Variants in SASS6 observed in about 807,000 individuals in gnomAD.
SASS6 encodes the protein spindle assembly abnormal protein 6 homolog.
Under a neutral mutation model 94.9 loss-of-function variants are expected in SASS6, and 59 were observed. The observed-to-expected ratio is 0.62, with a 90% CI of 0.50 to 0.77. SASS6 has a LOEUF of 0.77. Among genes scored for constraint, SASS6 ranks in the 30% least tolerant of loss-of-function variants. The probability of loss-of-function intolerance (pLI) is 0.00; values close to 1 mark genes in which losing one functional copy is unlikely to be tolerated. For synonymous variants in SASS6, 264 were observed against 270.0 expected, an observed-to-expected ratio of 0.98 and a Z score of 0.22; for missense variants, 698 against 734.1, an observed-to-expected ratio of 0.95 and a Z score of 0.57.
intron 1 of SASS6, among the ~76,000 whole-genome samples, chr1:100,127,794 C>T (rs1644058056): frequency 7.3e-6 from 1 of 136,856 alleles, no homozygotes; most frequent in South Asian, 2.3e-4. Flanking sequence ...CAAGTCCAGT[C>T]TGGGCAACAC....
At chr1:100,119,174 T>TA in intron 6 of SASS6, 37 bp from the exon 7 acceptor site, 1 of 1,178,264 alleles carries the variant, frequency 8.5e-7, no homozygotes, top group Non-Finnish European at 1.2e-6. Flanking sequence ...TAAGATAGGC[T>TA]CCTTAATATG....
intron 14 of SASS6, among the ~76,000 whole-genome samples, chr1:100,101,260 G>A (rs1055129829): frequency 4.0e-5 from 6 of 151,592 alleles, no homozygotes; most frequent in African/African-American, 1.2e-4. Context: ...TATTTCAGTA[G>A]TATATGCATA....
intron 14 of SASS6, among the ~76,000 whole-genome samples, chr1:100,090,220 C>T (rs1242060562): frequency 6.6e-6 from 1 of 152,044 alleles, no homozygotes; most frequent in Non-Finnish European, 1.5e-5. Flanking sequence ...TATGGTAAAA[C>T]TTATTATATG....
intron 7 of SASS6, among the ~76,000 whole-genome samples, chr1:100,112,083 T>G (rs933631536): frequency 1.4e-4 from 20 of 139,670 alleles, no homozygotes; most frequent in African/African-American, 4.6e-4. Flanking sequence ...CATTAAAAAT[T>G]TTCCATTCTG....
chr1:100,119,063 G>T lies in SASS6; in HGVS notation c.624C>A (p.Asn208Lys). Residue 208 changes from asparagine (N) to lysine (K), a missense_variant, in exon 7 of 17, where the codon AAC becomes AAA. By Grantham distance (94) the Asn-to-Lys change is moderately conservative (BLOSUM62 0). Coordinates refer to ENST00000287482, the MANE Select transcript of SASS6 (RefSeq NM_194292.3). Reference protein sequence around the residue: ...EWASHTAALTNKHSQELTNEK... With the variant: ...EWASHTAALTKKHSQELTNEK... Reference sequence around the variant, plus strand: ...CATTTGTCAGTTCCTGAGAATGCTTGTTTGTCAAGGCTGCTGTATGTGACG... The same window carrying T: ...CATTTGTCAGTTCCTGAGAATGCTTTTTTGTCAAGGCTGCTGTATGTGACG... 1.3e-6 allele frequency: 2 copies of T among 1,589,304 alleles called. No individual in the cohort carries two copies. The highest frequency in any genetic ancestry group is 1.3e-5 in the African/African-American group (1 of 74,666).
chr1:100,130,516 TTTAAA>T (rs757707060), intron 1 of SASS6, among the ~76,000 whole-genome samples: 2 of 151,972 alleles, frequency 1.3e-5, no homozygotes, highest in Non-Finnish European at 2.9e-5. Context: ...CCCCGTCTCT[TTTAAA>T]TTAAATTAAC....
chr1:100,126,026 A>C (rs1053115678), intron 1 of SASS6, 84 bp from the exon 2 acceptor site: 1 of 702,080 alleles, frequency 1.4e-6, no homozygotes, highest in Non-Finnish European at 2.4e-6. Flanking sequence ...TTTCAGTCTT[A>C]AGTGACAAGA....
At chr1:100,100,292 GAATA>G (rs1464674807) in intron 14 of SASS6, among the ~76,000 whole-genome samples, 1 of 151,984 alleles carries the variant, frequency 6.6e-6, no homozygotes, top group Non-Finnish European at 1.5e-5. Context: ...ATGAATGAAT[GAATA>G]AACAGTTTAG....
At chr1:100,098,010 T>C (rs1384430088) in intron 14 of SASS6, among the ~76,000 whole-genome samples, 2 of 152,184 alleles carry the variant, frequency 1.3e-5, no homozygotes, top group East Asian at 1.9e-4. Flanking sequence ...AATGTTCTAA[T>C]ATTGAACTGT....
intron 1 of SASS6, among the ~76,000 whole-genome samples, chr1:100,131,955 G>GA: frequency 6.6e-6 from 1 of 152,204 alleles, no homozygotes; most frequent in South Asian, 2.1e-4. Context: ...GAGAAAAAAA[G>GA]AGACAACCAT....
chr1:100,112,273 A>G (rs1653399953), intron 7 of SASS6, among the ~76,000 whole-genome samples: 1 of 152,144 alleles, frequency 6.6e-6, no homozygotes, highest in Non-Finnish European at 1.5e-5. Flanking sequence ...TGGGAATGGA[A>G]TAATAATGAT....
intron 14 of SASS6, among the ~76,000 whole-genome samples, chr1:100,100,235 T>C (rs1557882975): frequency 6.6e-6 from 1 of 152,168 alleles, no homozygotes. Flanking sequence ...CACTGCACTC[T>C]AGCCTTGGTG....
At position 100,119,685 on chromosome 1, in the gene SASS6, T is replaced by G. The variant is rs1654032599; in HGVS notation, c.550-548A>C. 2.0e-5 allele frequency among the ~76,000 whole-genome samples: 3 copies of G among 152,310 alleles called. 1 individual carries two copies. The South Asian group carries it at 6.2e-4, about 32-fold the overall frequency. On this transcript the variant is annotated intron_variant, in intron 6 of 16. Coordinates refer to ENST00000287482, the MANE Select transcript of SASS6 (RefSeq NM_194292.3). ...GTTAAGCAAGTTCTCATTCAGTTAG[T>G]TCATATGAGATCTGGATGTTTAAAA...
rs1470920336 is a variant in SASS6 at position 100,085,709 on chromosome 1, TATAAG to T, written c.1773-84_1773-80del. On this transcript the variant is annotated intron_variant, in intron 15 of 16. Transcript: ENST00000287482. The stretch of plus-strand genomic sequence containing the variant: ...GGTTTATCTCATATGTATACATATA[TATAAG>T]ATAATGTAACTAAGTTCTATTTATA... The T allele has an allele frequency of 9.0e-6, 7 of 775,634 alleles. No individual in the cohort carries two copies. In the East Asian group the frequency reaches 1.6e-4, roughly 18 times the overall value. The allele number at this position is 775,634 out of a possible 1,614,324, so 48.0% of individuals were successfully genotyped here.
At chr1:100,122,170 G>C (rs1471851466) in intron 4 of SASS6, among the ~76,000 whole-genome samples, 2 of 152,116 alleles carry the variant, frequency 1.3e-5, no homozygotes, top group East Asian at 3.8e-4. Flanking sequence ...GATGACTTTA[G>C]TGCCTTTGTC....
chr1:100,107,820 T>C lies in SASS6; in HGVS notation c.1046A>G (p.Gln349Arg). The change falls in exon 9 of 17, where the codon CAG (glutamine) becomes CGG (arginine). Residue 349 changes from glutamine (Q) to arginine (R), a missense_variant. Gln to Arg is a conservative substitution (Grantham distance 43). Coordinates refer to ENST00000287482, the MANE Select transcript of SASS6 (RefSeq NM_194292.3). Reference sequence around the variant, plus strand: ...AATTTAAAAGTAGACCTTTTGTTCCTGGATTGTATCAAATGCCTCTTTTGT... The same window carrying C: ...AATTTAAAAGTAGACCTTTTGTTCCCGGATTGTATCAAATGCCTCTTTTGT... The part of the protein sequence containing the change: ...LRTKEAFDTI[Q>R]EQKVVLEENG... 1 of 1,607,942 alleles carries C rather than the reference T, an allele frequency of 6.2e-7. No homozygotes were observed. The highest frequency in any genetic ancestry group is 8.5e-7 in the Non-Finnish European group (1 of 1,175,632).
At chr1:100,130,448 G>A (rs1654915767) in intron 1 of SASS6, among the ~76,000 whole-genome samples, 1 of 152,134 alleles carries the variant, frequency 6.6e-6, no homozygotes, top group Admixed American at 6.5e-5. Flanking sequence ...TGGGAGGCTG[G>A]GGTGAGAGGA....
intron 1 of SASS6, among the ~76,000 whole-genome samples, chr1:100,130,640 A>G (rs761204276): frequency 4.0e-5 from 6 of 151,804 alleles, no homozygotes; most frequent in Admixed American, 6.6e-5. Context: ...AGTGAGCTGT[A>G]ATCGTGCTAC....
At chr1:100,098,646 G>A (rs1652259737) in intron 14 of SASS6, among the ~76,000 whole-genome samples, 1 of 150,160 alleles carries the variant, frequency 6.7e-6, no homozygotes. Context: ...AATATTTGCT[G>A]GAGCACTGTA....
Sources: gnomAD v4.1 joint callset for allele counts (sites outside exome capture counted in the v4.1 genomes callset) on GRCh38, gnomAD v4.1.1 for gene constraint, MANE v1.5 for transcripts, NCBI Gene and HGNC (gene_info 2026-07-23, HGNC 2026-07-21) for gene names.